The following DCC variants were observed in gnomAD, a reference collection of about 807,000 sequenced individuals.
The protein encoded by DCC is DCC netrin 1 receptor.
Under a neutral mutation model 172.5 loss-of-function variants are expected in DCC, and 58 were observed. The observed-to-expected ratio is 0.34, with a 90% CI of 0.27 to 0.42. The LOEUF is 0.42. Among genes scored for constraint, DCC ranks in the 10% least tolerant of loss-of-function variants. The probability of loss-of-function intolerance (pLI) is 1.00; values close to 1 mark genes in which losing one functional copy is unlikely to be tolerated. For missense variants in DCC, 1,740 were observed against 1,791.0 expected, an observed-to-expected ratio of 0.97 and a Z score of 0.51; for synonymous variants, 709 against 644.5, an observed-to-expected ratio of 1.10 and a Z score of -1.52.
At chr18:52,923,892 C>T in intron 4 of DCC, 35 bp downstream of exon 4, 1 of 1,513,252 alleles carries the variant, frequency 6.6e-7, no homozygotes. Context: ...GTAAAGTGTA[C>T]TTTTGTATGG....
At chr18:52,531,030 C>G (rs902199736) in intron 1 of DCC, among the ~76,000 whole-genome samples, 2 of 152,180 alleles carry the variant, frequency 1.3e-5, no homozygotes, top group African/African-American at 4.8e-5. Context: ...CTCTAAACAT[C>G]TTCTATTTAC....
At chr18:52,383,392 G>A (rs1279578714) in intron 1 of DCC, among the ~76,000 whole-genome samples, 9 of 151,996 alleles carry the variant, frequency 5.9e-5, no homozygotes, top group South Asian at 2.1e-4. Flanking sequence ...ATATTTTTAT[G>A]TGATGGTTAG....
intron 21 of DCC, among the ~76,000 whole-genome samples, chr18:53,434,488 G>A (rs558319553): frequency 3.3e-5 from 5 of 152,028 alleles, no homozygotes; most frequent in Non-Finnish European, 5.9e-5. Flanking sequence ...CTTAAATACG[G>A]CTTTCACATC....
At chr18:53,040,941 A>T (rs1243225074) in intron 5 of DCC, among the ~76,000 whole-genome samples, 1 of 151,836 alleles carries the variant, frequency 6.6e-6, no homozygotes, top group African/African-American at 2.4e-5. Flanking sequence ...TTTGAAAATA[A>T]GAGGATCAAT....
chr18:52,471,029 T>C (rs1332384280), intron 1 of DCC, among the ~76,000 whole-genome samples: 1 of 152,134 alleles, frequency 6.6e-6, no homozygotes, highest in African/African-American at 2.4e-5. Flanking sequence ...AGTTCTAGTC[T>C]AATAACTGTT....
At chr18:53,059,624 AATC>A (rs1473772735) in intron 5 of DCC, among the ~76,000 whole-genome samples, 1 of 152,176 alleles carries the variant, frequency 6.6e-6, no homozygotes, top group East Asian at 1.9e-4. Flanking sequence ...ATTCTAAAAT[AATC>A]AATACCCGTT....
chr18:52,864,512 T>C (rs1164269318), intron 2 of DCC, among the ~76,000 whole-genome samples: 3 of 152,180 alleles, frequency 2.0e-5, no homozygotes, highest in Non-Finnish European at 4.4e-5. Flanking sequence ...CATTTTCTTT[T>C]TTTAATTTAA....
chr18:53,105,894 A>G (rs2043239405), intron 7 of DCC, among the ~76,000 whole-genome samples: 2 of 151,356 alleles, frequency 1.3e-5, no homozygotes, highest in Admixed American at 1.3e-4. Flanking sequence ...CCTCTTTAGT[A>G]TATTTGTGAG....
intron 2 of DCC, among the ~76,000 whole-genome samples, chr18:52,807,344 G>A (rs7226827): frequency 6.6e-6 from 1 of 152,178 alleles, no homozygotes; most frequent in African/African-American, 2.4e-5. Context: ...TGATGACTAA[G>A]TATAAAATAC....
intron 27 of DCC, among the ~76,000 whole-genome samples, chr18:53,519,442 T>C (rs939813361): frequency 6.6e-6 from 1 of 152,068 alleles, no homozygotes; most frequent in African/African-American, 2.4e-5. Flanking sequence ...AAAGGTGATT[T>C]TTCCAACTTC....
At chr18:53,482,198 T>C (rs1276418533) in intron 25 of DCC, among the ~76,000 whole-genome samples, 1 of 152,168 alleles carries the variant, frequency 6.6e-6, no homozygotes, top group East Asian at 1.9e-4. Flanking sequence ...TATAAGTAAA[T>C]GTAGACTTCT....
chr18:53,288,826 T>C lies in DCC; in HGVS notation c.1912-16752T>C, dbSNP rs573682422. 4.6e-5 allele frequency among the ~76,000 whole-genome samples: 7 copies of C among 152,306 alleles called. No individual in the cohort carries two copies. The East Asian group carries it at 1.2e-3, about 25-fold the overall frequency. ...AACTTATCTGAACTTTAGTGGAGAA[T>C]AGACTTGCTCTTTCTGCATGTATAA... On this transcript the variant is annotated intron_variant, in intron 12 of 28. Coordinates refer to ENST00000442544, the MANE Select transcript of DCC (RefSeq NM_005215.4).
intron 1 of DCC, among the ~76,000 whole-genome samples, chr18:52,595,319 G>A (rs1339742897): frequency 1.3e-5 from 2 of 152,056 alleles, no homozygotes; most frequent in East Asian, 3.9e-4. Context: ...GATGTTCTCT[G>A]GAAATAAATA....
chr18:52,994,955 C>T (rs779020166), intron 5 of DCC, among the ~76,000 whole-genome samples: 19 of 152,082 alleles, frequency 1.2e-4, no homozygotes, highest in Non-Finnish European at 2.1e-4. Flanking sequence ...ATAACAAATA[C>T]TAACTTCTCT....
intron 26 of DCC, among the ~76,000 whole-genome samples, chr18:53,498,283 G>A (rs958286532): frequency 3.3e-5 from 5 of 152,032 alleles, no homozygotes; most frequent in African/African-American, 1.2e-4. Flanking sequence ...TAATTATCTT[G>A]AAATATTTCC....
At chr18:53,140,250 T>A (rs2043809979) in intron 7 of DCC, among the ~76,000 whole-genome samples, 1 of 152,212 alleles carries the variant, frequency 6.6e-6, no homozygotes, top group Non-Finnish European at 1.5e-5. Flanking sequence ...TTAAAATATA[T>A]ATTAGAAAAA....
chr18:53,209,049 G>A (rs1043159362), intron 11 of DCC, among the ~76,000 whole-genome samples: 4 of 152,230 alleles, frequency 2.6e-5, no homozygotes, highest in East Asian at 3.9e-4. Context: ...TTTTCCTGCC[G>A]AAGCCTCCCG....
chr18:52,911,910 A>T (rs1442289241), intron 3 of DCC, among the ~76,000 whole-genome samples: 1 of 152,038 alleles, frequency 6.6e-6, no homozygotes, highest in African/African-American at 2.4e-5. Context: ...AAAATGAAGT[A>T]TATGATCTTA....
At chr18:52,777,565 G>T (rs28418704) in intron 2 of DCC, among the ~76,000 whole-genome samples, 7,796 of 152,162 alleles carry the variant, frequency 0.051, 273 homozygotes, top group South Asian at 0.16. Flanking sequence ...AAGAAATAAG[G>T]TAACATTTAC....
Sources: gnomAD v4.1 joint callset for allele counts (sites outside exome capture counted in the v4.1 genomes callset) on GRCh38, gnomAD v4.1.1 for gene constraint, MANE v1.5 for transcripts, NCBI Gene and HGNC (gene_info 2026-07-23, HGNC 2026-07-21) for gene names.